Variants in RHOH observed in about 807,000 individuals in gnomAD.
The protein encoded by RHOH is ras homolog family member H.
RHOH carries 6 observed loss-of-function variants against 13.8 expected under a neutral mutation model. That is an observed-to-expected ratio of 0.44 (90% CI 0.24 to 0.86). RHOH has a LOEUF of 0.86. Ranked by LOEUF, RHOH falls within the 40% of genes least tolerant of loss-of-function variation. RHOH has a pLI of 0.24. For synonymous variants in RHOH, 117 were observed against 103.0 expected (o/e 1.14, Z -0.82); for missense variants, 147 against 244.5 (o/e 0.60, Z 2.66).
At position 40,244,042 on chromosome 4, in the gene RHOH, G is replaced by T. The variant is rs1729591727; in HGVS notation, c.*80G>T. 1.6e-6 allele frequency: 2 copies of T among 1,237,452 alleles called. No homozygotes were observed. The highest frequency in any genetic ancestry group is 1.5e-5 in the South Asian group (1 of 65,270). 76.7% of individuals were successfully genotyped at this position (1,237,452 alleles called of 1,614,324 possible). A position where few individuals can be genotyped will look rare whatever the true frequency, so the allele number is the denominator to read the frequency against. ...GAGGGAGGGCCGGGAAGCCAGGAAAGCTTGGTGTTTTCTCTGGGTACACCC... is the reference window on the plus strand; with the variant it reads ...GAGGGAGGGCCGGGAAGCCAGGAAATCTTGGTGTTTTCTCTGGGTACACCC... On this transcript the variant is annotated 3_prime_UTR_variant, in exon 3 of 3. Coordinates refer to ENST00000381799, the MANE Select transcript of RHOH (RefSeq NM_004310.5).
chr4:40,240,360 T>A (rs1234191649), intron 1 of RHOH: 1 of 152,376 alleles, frequency 6.6e-6, no homozygotes, highest in Non-Finnish European at 1.5e-5. Flanking sequence ...GTGCTCATAG[T>A]CCTAGCTACT....
upstream of RHOH, among the ~76,000 whole-genome samples, chr4:40,196,365 G>T (rs1361392635): frequency 2.0e-5 from 3 of 152,214 alleles, no homozygotes; most frequent in African/African-American, 7.2e-5. Flanking sequence ...GTTGCAGATG[G>T]TCTCTACACC....
chr4:40,191,325 A>C (rs1486366370), upstream of RHOH: 1 of 152,204 alleles, frequency 6.6e-6, no homozygotes, highest in Non-Finnish European at 1.5e-5. Flanking sequence ...TCGGAGCTAC[A>C]TCCAGTGAAT....
At chr4:40,197,531 T>C (rs75968522) in intron 1 of RHOH, among the ~76,000 whole-genome samples, 1 of 152,292 alleles carries the variant, frequency 6.6e-6, no homozygotes, top group East Asian at 1.9e-4. Context: ...GTTACAATAG[T>C]TGGCTTTTTG....
chr4:40,226,204 T>A (rs1727211443), intron 1 of RHOH, among the ~76,000 whole-genome samples: 1 of 152,324 alleles, frequency 6.6e-6, no homozygotes, highest in East Asian at 1.9e-4. Flanking sequence ...CCCAAGGTTA[T>A]ACTGCTGCTC....
chr4:40,198,851 A>G (rs540888115), intron 1 of RHOH, among the ~76,000 whole-genome samples: 1 of 152,344 alleles, frequency 6.6e-6, no homozygotes, highest in East Asian at 1.9e-4. Flanking sequence ...GCATGTCTAA[A>G]TGAGATGGCA....
chr4:40,230,435 A>G (rs758384077), intron 1 of RHOH, among the ~76,000 whole-genome samples: 2 of 151,484 alleles, frequency 1.3e-5, no homozygotes, highest in Non-Finnish European at 2.9e-5. Context: ...GGTTCAAGCG[A>G]TTTTCCTGAC....
chr4:40,211,088 T>C, intron 1 of RHOH, among the ~76,000 whole-genome samples: 1 of 152,230 alleles, frequency 6.6e-6, no homozygotes, highest in East Asian at 1.9e-4. Context: ...TATGTTGTAA[T>C]TGTTGTTGGT....
chr4:40,222,272 A>T (rs1726676788), intron 1 of RHOH, among the ~76,000 whole-genome samples: 1 of 152,200 alleles, frequency 6.6e-6, no homozygotes, highest in African/African-American at 2.4e-5. Context: ...AGAATTTTCA[A>T]TGGAAACAAA....
upstream of RHOH, among the ~76,000 whole-genome samples, chr4:40,196,208 C>G (rs1020559051): frequency 1.3e-5 from 2 of 152,174 alleles, no homozygotes; most frequent in African/African-American, 4.8e-5. Context: ...TGACTTTATC[C>G]TTACGGTCGG....
intron 1 of RHOH, among the ~76,000 whole-genome samples, chr4:40,201,748 C>A (rs1009798445): frequency 6.6e-6 from 1 of 151,752 alleles, no homozygotes; most frequent in Non-Finnish European, 1.5e-5. Flanking sequence ...GGCAATTTGA[C>A]GATATGTATC....
At chr4:40,194,116 G>A (rs544610795), upstream of RHOH, among the ~76,000 whole-genome samples, 41 of 152,192 alleles carry the variant, frequency 2.7e-4, no homozygotes, top group South Asian at 8.3e-3. Context: ...CTGTTGGAGG[G>A]GCAACCAATT....
intron 1 of RHOH, among the ~76,000 whole-genome samples, chr4:40,236,377 A>G (rs1446650459): frequency 6.6e-6 from 1 of 152,246 alleles, no homozygotes; most frequent in Non-Finnish European, 1.5e-5. Flanking sequence ...TGTGCAAAGT[A>G]CTCAGTATAG....
At chr4:40,238,987 G>C (rs973683102) in intron 1 of RHOH, among the ~76,000 whole-genome samples, 3 of 152,140 alleles carry the variant, frequency 2.0e-5, no homozygotes, top group Non-Finnish European at 4.4e-5. Flanking sequence ...AAGATTATCT[G>C]TCATGTCCTT....
intron 1 of RHOH, among the ~76,000 whole-genome samples, chr4:40,225,433 T>A (rs1023769848): frequency 6.6e-6 from 1 of 152,192 alleles, no homozygotes; most frequent in East Asian, 1.9e-4. Context: ...AACTTGTTTC[T>A]TTTAAAGCTA....
At chr4:40,198,682 C>T (rs1723556849) in intron 1 of RHOH, among the ~76,000 whole-genome samples, 1 of 152,194 alleles carries the variant, frequency 6.6e-6, no homozygotes, top group Admixed American at 6.5e-5. Flanking sequence ...CCAGTAAGAC[C>T]TCCACCTCTG....
intron 1 of RHOH, among the ~76,000 whole-genome samples, chr4:40,212,221 C>G (rs1725351626): frequency 6.6e-6 from 1 of 152,176 alleles, no homozygotes; most frequent in Non-Finnish European, 1.5e-5. Flanking sequence ...TATTATGAAC[C>G]TAGGCAATCT....
At chr4:40,226,489 G>A (rs1727252918) in intron 1 of RHOH, among the ~76,000 whole-genome samples, 1 of 146,422 alleles carries the variant, frequency 6.8e-6, no homozygotes, top group Non-Finnish European at 1.5e-5. Flanking sequence ...TCACGCCATT[G>A]CACTCCAGCC....
upstream of RHOH, chr4:40,192,950 T>C (rs1234918461): frequency 6.6e-6 from 1 of 152,338 alleles, no homozygotes; most frequent in Non-Finnish European, 1.5e-5. Context: ...TTTCCTTGGC[T>C]GTTAAAATAG....
Sources: allele counts gnomAD v4.1 joint callset (sites outside exome capture counted in the v4.1 genomes callset), GRCh38; gene constraint gnomAD v4.1.1; transcripts MANE v1.5; gene names NCBI Gene and HGNC (gene_info 2026-07-23, HGNC 2026-07-21).